Variants in KCNIP4 observed in about 807,000 individuals in gnomAD.
KCNIP4 encodes Kv channel-interacting protein 4.
KCNIP4 carries 12 observed loss-of-function variants against 34.0 expected under a neutral mutation model. The observed-to-expected ratio is 0.35, with a 90% CI of 0.23 to 0.57. KCNIP4 has a LOEUF of 0.57. KCNIP4 is among the 20% of genes least tolerant of loss of function. The probability of loss-of-function intolerance (pLI) is 0.83; values close to 1 mark genes in which losing one functional copy is unlikely to be tolerated. For missense variants in KCNIP4, 238 were observed against 311.7 expected (o/e 0.76, Z 1.78); for synonymous variants, 124 against 102.2 (o/e 1.21, Z -1.29).
At chr4:20,892,536 T>G (rs1726036398) in intron 1 of KCNIP4, among the ~76,000 whole-genome samples, 1 of 152,166 alleles carries the variant, frequency 6.6e-6, no homozygotes, top group African/African-American at 2.4e-5. Context: ...GTGTCTCTCC[T>G]TTATCTTTTT....
intron 2 of KCNIP4, among the ~76,000 whole-genome samples, chr4:20,863,624 T>G (rs890368755): frequency 6.6e-6 from 1 of 152,150 alleles, no homozygotes; most frequent in Non-Finnish European, 1.5e-5. Flanking sequence ...ACTAAATTCT[T>G]TCCCAAGGTT....
At chr4:21,931,278 TA>T (rs1031300845) in intron 1 of KCNIP4, among the ~76,000 whole-genome samples, 186 of 152,000 alleles carry the variant, frequency 1.2e-3, no homozygotes, top group African/African-American at 4.0e-3. Context: ...TTGTTTTTTT[TA>T]AATTATACTT....
At chr4:21,467,062 AAAC>A (rs2109792638) in intron 1 of KCNIP4, among the ~76,000 whole-genome samples, 1 of 128,188 alleles carries the variant, frequency 7.8e-6, no homozygotes, top group African/African-American at 3.1e-5. Flanking sequence ...AAACCAAACC[AAAC>A]CAAAACAAAC....
chr4:21,185,559 G>A (rs191046397), intron 1 of KCNIP4, among the ~76,000 whole-genome samples: 39 of 149,810 alleles, frequency 2.6e-4, no homozygotes, highest in Admixed American at 1.9e-3. Context: ...TCATAGACAC[G>A]TGCTTTTGCC....
intron 1 of KCNIP4, among the ~76,000 whole-genome samples, chr4:21,501,276 G>GCACACA (rs1180238316): frequency 0.011 from 1,300 of 121,304 alleles, 41 homozygotes; most frequent in East Asian, 0.1. Context: ...ACACACACAT[G>GCACACA]CCATGTCCTA....
At chr4:21,384,669 TCCAGAGAATTTGCC>T (rs1448348909) in intron 1 of KCNIP4, among the ~76,000 whole-genome samples, 7 of 152,238 alleles carry the variant, frequency 4.6e-5, no homozygotes, top group African/African-American at 1.7e-4. Flanking sequence ...ACAGAATTGA[TCCAGAGAATTTGCC>T]CCAGAGAATT....
At chr4:20,798,463 G>A (rs1192412379) in intron 3 of KCNIP4, among the ~76,000 whole-genome samples, 1 of 151,654 alleles carries the variant, frequency 6.6e-6, no homozygotes, top group Non-Finnish European at 1.5e-5. Flanking sequence ...TCAACAAGAT[G>A]GCTATCTAGA....
At chr4:21,588,076 T>C (rs1292933692) in intron 1 of KCNIP4, among the ~76,000 whole-genome samples, 1 of 152,048 alleles carries the variant, frequency 6.6e-6, no homozygotes, top group African/African-American at 2.4e-5. Flanking sequence ...ATAGTAAAAC[T>C]AAAATAATTA....
chr4:20,742,609 TACTG>T (rs1303349435), intron 5 of KCNIP4, among the ~76,000 whole-genome samples: 6 of 152,152 alleles, frequency 3.9e-5, no homozygotes, highest in African/African-American at 1.2e-4. Context: ...GCCAATATCA[TACTG>T]AATGGGCAAA....
At chr4:21,707,926 CACACAT>C (rs1239366499) in intron 1 of KCNIP4, among the ~76,000 whole-genome samples, 6 of 68,270 alleles carry the variant, frequency 8.8e-5, no homozygotes, top group African/African-American at 3.4e-4. Flanking sequence ...TCCTGAAACA[CACACAT>C]ACACACACAC....
At chr4:21,387,347 T>A (rs16871006) in intron 1 of KCNIP4, among the ~76,000 whole-genome samples, 1,798 of 152,280 alleles carry the variant, frequency 0.012, 56 homozygotes, top group South Asian at 0.11. Context: ...TAAGAAAAGT[T>A]TCTAAGCAAC....
chr4:21,561,277 C>T (rs528162654), intron 1 of KCNIP4, among the ~76,000 whole-genome samples: 3 of 151,858 alleles, frequency 2.0e-5, no homozygotes, highest in Non-Finnish European at 2.9e-5. Context: ...TATCTTTTTG[C>T]CACGCATTTT....
chr4:21,612,371 G>A (rs1169884077), intron 1 of KCNIP4, among the ~76,000 whole-genome samples: 8 of 152,198 alleles, frequency 5.3e-5, no homozygotes, highest in African/African-American at 1.7e-4. Flanking sequence ...AATATACTCA[G>A]GAGGCTGAGG....
At chr4:21,116,391 T>C (rs899688525) in intron 1 of KCNIP4, among the ~76,000 whole-genome samples, 13 of 152,206 alleles carry the variant, frequency 8.5e-5, no homozygotes, top group African/African-American at 3.1e-4. Flanking sequence ...CACTCATTTA[T>C]CCAAGGAACA....
intron 1 of KCNIP4, among the ~76,000 whole-genome samples, chr4:21,409,262 G>A (rs572678300): frequency 5.5e-5 from 8 of 146,686 alleles, no homozygotes; most frequent in Non-Finnish European, 9.1e-5. Context: ...GTGTGCCACC[G>A]TATCTGGTTA....
chr4:21,871,832 T>C (rs1463336993), intron 1 of KCNIP4, among the ~76,000 whole-genome samples: 1 of 140,128 alleles, frequency 7.1e-6, no homozygotes, highest in African/African-American at 2.7e-5. Context: ...TTCTGTTCAC[T>C]GATCCCCTCT....
At chr4:21,026,337 G>A (rs184736356) in intron 1 of KCNIP4, among the ~76,000 whole-genome samples, 197 of 152,244 alleles carry the variant, frequency 1.3e-3, no homozygotes, top group African/African-American at 4.5e-3. Context: ...GTTAGTATCT[G>A]GATGGCTTGA....
intron 1 of KCNIP4, among the ~76,000 whole-genome samples, chr4:21,934,318 C>A (rs116692990): frequency 0.012 from 1,866 of 152,094 alleles, 27 homozygotes; most frequent in Middle Eastern, 0.048. Context: ...ATTCCTTCAA[C>A]TCAAGCTCAG....
At chr4:20,810,513 C>A (rs1359492081) in intron 3 of KCNIP4, among the ~76,000 whole-genome samples, 1 of 151,896 alleles carries the variant, frequency 6.6e-6, no homozygotes, top group East Asian at 1.9e-4. Context: ...AAAGCTATGT[C>A]TGTATGAAAA....
Sources: allele counts gnomAD v4.1 joint callset (sites outside exome capture counted in the v4.1 genomes callset), GRCh38; gene constraint gnomAD v4.1.1; transcripts MANE v1.5; gene names NCBI Gene and HGNC (gene_info 2026-07-23, HGNC 2026-07-21).